MDGA2: variants seen among roughly 807,000 people sequenced by gnomAD.
MDGA2 encodes MAM domain-containing glycosylphosphatidylinositol anchor protein 2.
A neutral mutation model predicts 117.8 loss-of-function variants in MDGA2; 40 were observed. The ratio of observed to expected loss-of-function variants is 0.34; its 90% CI spans 0.26 to 0.44. MDGA2 has a LOEUF of 0.44. Ranked by LOEUF, MDGA2 falls within the 20% of genes least tolerant of loss-of-function variation. MDGA2 has a pLI of 1.00. For synonymous variants in MDGA2, 452 were observed against 439.0 expected (o/e 1.03, Z -0.37); for missense variants, 1,123 against 1,250.6 (o/e 0.90, Z 1.54).
chr14:47,276,010 G>C (rs1343049692), intron 2 of MDGA2, among the ~76,000 whole-genome samples: 3 of 152,076 alleles, frequency 2.0e-5, no homozygotes, highest in African/African-American at 7.2e-5. Context: ...GACTTTCCTG[G>C]ATGAAGTGGC....
At chr14:47,470,084 T>G (rs929096240) in intron 1 of MDGA2, among the ~76,000 whole-genome samples, 1 of 149,780 alleles carries the variant, frequency 6.7e-6, no homozygotes, top group African/African-American at 2.5e-5. Flanking sequence ...TGGGATAGGG[T>G]TTTTTTTTCA....
chr14:47,221,879 T>G (rs187011680), intron 2 of MDGA2, among the ~76,000 whole-genome samples: 1 of 152,126 alleles, frequency 6.6e-6, no homozygotes. Flanking sequence ...ATGTGATGTT[T>G]TAATATAAGT....
intron 7 of MDGA2, among the ~76,000 whole-genome samples, chr14:47,057,882 A>G (rs1889744243): frequency 6.6e-6 from 1 of 151,900 alleles, no homozygotes; most frequent in African/African-American, 2.4e-5. Context: ...AGCCTCCCAG[A>G]TTGCTGGGAT....
intron 2 of MDGA2, among the ~76,000 whole-genome samples, chr14:47,279,055 A>G (rs1336809360): frequency 6.6e-6 from 1 of 152,192 alleles, no homozygotes; most frequent in African/African-American, 2.4e-5. Context: ...TGTTGCAATG[A>G]AAACCCTTGT....
intron 7 of MDGA2, among the ~76,000 whole-genome samples, chr14:47,035,592 C>A (rs1888817905): frequency 6.6e-6 from 1 of 152,054 alleles, no homozygotes; most frequent in Non-Finnish European, 1.5e-5. Context: ...TAATAATTAG[C>A]CATTAACTGG....
intron 1 of MDGA2, among the ~76,000 whole-genome samples, chr14:47,335,759 T>TATATATATATATATATATATATATATAC (rs1555374528): frequency 1.4e-5 from 2 of 144,726 alleles, no homozygotes; most frequent in Admixed American, 1.4e-4. Flanking sequence ...CATACATACA[T>TATATATATATATATATATATATATATAC]ACAGGATCAC....
At chr14:47,053,630 TATATATATATATATATATATATATAC>T (rs1456207001) in intron 7 of MDGA2, among the ~76,000 whole-genome samples, 3,460 of 99,388 alleles carry the variant, frequency 0.035, 113 homozygotes, top group Middle Eastern at 0.093. Context: ...TATATATATA[TATATATATATATATATATATATATAC>T]ACACACACAC....
At chr14:47,186,012 ACATATGTT>A (rs1884896527) in intron 3 of MDGA2, among the ~76,000 whole-genome samples, 1 of 151,674 alleles carries the variant, frequency 6.6e-6, no homozygotes, top group African/African-American at 2.4e-5. Context: ...TAATATGTGT[ACATATGTT>A]CATACCATCA....
At chr14:47,010,566 TC>T (rs1887864335) in intron 8 of MDGA2, among the ~76,000 whole-genome samples, 1 of 151,992 alleles carries the variant, frequency 6.6e-6, no homozygotes, top group South Asian at 2.1e-4. Flanking sequence ...CAGTTTTGTC[TC>T]CTACCCCACT....
chr14:47,402,478 A>C (rs2138465780), intron 1 of MDGA2, among the ~76,000 whole-genome samples: 1 of 152,288 alleles, frequency 6.6e-6, no homozygotes. Flanking sequence ...CAGCTCACTA[A>C]GGAATACATT....
At chr14:47,419,792 A>C (rs1200280134) in intron 1 of MDGA2, among the ~76,000 whole-genome samples, 1 of 152,098 alleles carries the variant, frequency 6.6e-6, no homozygotes, top group Non-Finnish European at 1.5e-5. Context: ...TGATAATTCA[A>C]TGGGGGATAA....
intron 1 of MDGA2, among the ~76,000 whole-genome samples, chr14:47,499,726 T>G (rs914160132): frequency 6.6e-6 from 1 of 152,134 alleles, no homozygotes; most frequent in East Asian, 1.9e-4. Context: ...GATGAGTTGT[T>G]GTACTTACTA....
intron 2 of MDGA2, among the ~76,000 whole-genome samples, chr14:47,283,470 T>C (rs1388094279): frequency 6.6e-6 from 1 of 152,202 alleles, no homozygotes; most frequent in Non-Finnish European, 1.5e-5. Flanking sequence ...AACATAACCT[T>C]ATACATATGT....
At chr14:47,375,348 G>A (rs1275374543) in intron 1 of MDGA2, among the ~76,000 whole-genome samples, 3 of 151,706 alleles carry the variant, frequency 2.0e-5, no homozygotes, top group African/African-American at 4.8e-5. Flanking sequence ...CCCACTTAAC[G>A]TCTTCACTCC....
chr14:47,357,032 A>C (rs1224026146), intron 1 of MDGA2, among the ~76,000 whole-genome samples: 4 of 152,212 alleles, frequency 2.6e-5, no homozygotes, highest in African/African-American at 9.6e-5. Context: ...AGATTTGTGG[A>C]GAATCCTTAT....
intron 14 of MDGA2, among the ~76,000 whole-genome samples, chr14:46,860,889 TTCAG>T (rs1881480582): frequency 6.6e-6 from 1 of 151,962 alleles, no homozygotes; most frequent in Non-Finnish European, 1.5e-5. Context: ...CTTGAAGTAA[TTCAG>T]TAAGTCTTTT....
intron 3 of MDGA2, among the ~76,000 whole-genome samples, chr14:47,205,057 T>C (rs1885633389): frequency 6.6e-6 from 1 of 152,064 alleles, no homozygotes; most frequent in African/African-American, 2.4e-5. Context: ...AAATGATATA[T>C]ACAGATACAT....
intron 10 of MDGA2, among the ~76,000 whole-genome samples, chr14:46,901,243 T>C (rs974596103): frequency 6.0e-5 from 9 of 151,150 alleles, no homozygotes; most frequent in Non-Finnish European, 1.0e-4. Flanking sequence ...AATTGACGAG[T>C]TAATGGGTGC....
intron 1 of MDGA2, among the ~76,000 whole-genome samples, chr14:47,426,747 A>C (rs1892699982): frequency 6.7e-6 from 1 of 148,796 alleles, no homozygotes; most frequent in African/African-American, 2.4e-5. Flanking sequence ...CAACATAGTT[A>C]TCCAACAATA....
Sources: allele counts gnomAD v4.1 joint callset (sites outside exome capture counted in the v4.1 genomes callset), GRCh38; gene constraint gnomAD v4.1.1; transcripts MANE v1.5; gene names NCBI Gene and HGNC (gene_info 2026-07-23, HGNC 2026-07-21).